The following ATP1B2 variants were observed in gnomAD, a reference collection of about 807,000 sequenced individuals.
ATP1B2 encodes sodium/potassium-transporting ATPase subunit beta-2.
In ATP1B2, 12 loss-of-function variants were observed where a neutral mutation model predicts 37.3. The ratio of observed to expected loss-of-function variants is 0.32; its 90% confidence interval spans 0.21 to 0.52. The LOEUF is 0.52. ATP1B2 is among the 20% of genes least tolerant of loss of function. The pLI is 0.96. For synonymous variants in ATP1B2, 139 were observed against 140.5 expected (o/e 0.99, Z 0.07); for missense variants, 324 against 391.6 (o/e 0.83, Z 1.46).
upstream of ATP1B2, among the ~76,000 whole-genome samples, chr17:7,647,674 C>A (rs998424406): frequency 2.0e-5 from 3 of 152,022 alleles, no homozygotes; most frequent in Admixed American, 2.0e-4. Context: ...CAAAAATTAG[C>A]CAGGCGTGGT....
chr17:7,649,657 A>G (rs1016072907), upstream of ATP1B2, among the ~76,000 whole-genome samples: 6 of 150,732 alleles, frequency 4.0e-5, no homozygotes, highest in African/African-American at 1.2e-4. Context: ...GGTTCATGCC[A>G]TTCTCCTGCC....
In ATP1B2 at chr17:7,653,518, C is replaced by G. The variant is rs772280682; in HGVS notation, c.241+16C>G. On this transcript the variant is annotated intron_variant, in intron 2 of 6. Coordinates refer to ENST00000250111, the MANE Select transcript of ATP1B2 (RefSeq NM_001678.5). ...GCCACACCGGGTGAGTGTGGAGGCT[C>G]CCCCTGCCAGCTACTCTAACTGCTC... is the stretch of plus-strand genomic sequence containing the variant. The G allele has an allele frequency of 2.5e-6, 4 of 1,613,472 alleles. No individual in the cohort carries two copies. The highest frequency in any genetic ancestry group is 3.4e-6 in the Non-Finnish European group (4 of 1,179,724).
At position 7,656,120 on chromosome 17, in the gene ATP1B2, AGGG is replaced by A; in HGVS notation, c.*226_*228del. 1 of 610,126 alleles carries A rather than the reference AGGG, an allele frequency of 1.6e-6. No individual in the cohort carries two copies. The highest frequency in any genetic ancestry group is 2.8e-6 in the Non-Finnish European group (1 of 353,746). 37.8% of individuals were successfully genotyped at this position (610,126 alleles called of 1,614,324 possible). On this transcript the variant is annotated 3_prime_UTR_variant, in exon 7 of 7. Coordinates refer to ENST00000250111, the MANE Select transcript of ATP1B2 (RefSeq NM_001678.5). ...TCTCCCAACCTCAGATCAGTCAGAC[AGGG>A]AGCTGGGCTAAGATGGCCACGGAGG... is the stretch of plus-strand genomic sequence containing the variant.
Position 7,654,341 on chromosome 17 carries a change from C to G in ATP1B2, c.552+84C>G. On this transcript the variant is annotated intron_variant, in intron 4 of 6. Coordinates refer to ENST00000250111, the MANE Select transcript of ATP1B2 (RefSeq NM_001678.5). The surrounding 1 kb of genome is among the most constrained non-coding windows in gnomAD (Gnocchi z 4.9). ...AGACAATTGCATCCTTTCACTGGGG[C>G]TAATGGGCATGAGAAAGACTTGGAT... 1.4e-6 allele frequency: 2 copies of G among 1,450,742 alleles called. No homozygotes were observed. Among genetic ancestry groups the G allele is most frequent in the Non-Finnish European group, 9.6e-7 (1 of 1,042,456 alleles). The allele number at this position is 1,450,742 out of a possible 1,614,324, so 89.9% of individuals were successfully genotyped here.
Position 7,655,274 on chromosome 17 carries a change from G to A in ATP1B2, c.610-253G>A, listed in dbSNP as rs148420213. The A allele has an allele frequency of 7.1e-6, 4 of 560,362 alleles. No homozygotes were observed. The African/African-American group carries it at 7.5e-5, about 11-fold the overall frequency. The allele number at this position is 560,362 out of a possible 1,614,324, so 34.7% of individuals were successfully genotyped here. On this transcript the variant is annotated intron_variant, in intron 5 of 6. Transcript: ENST00000250111. The surrounding 1 kb of genome is among the most constrained non-coding windows in gnomAD (Gnocchi z 4.4). ...AGGATGGGGTAAGAACTTGGGGTAG[G>A]AGTGGAGTAGGAGGCTTTCGTGCCA...
chr17:7,647,202 A>G (rs534700904), upstream of ATP1B2, among the ~76,000 whole-genome samples: 4 of 151,974 alleles, frequency 2.6e-5, no homozygotes, highest in Non-Finnish European at 2.9e-5. Flanking sequence ...AAAGGAAGCA[A>G]TGGCATTGTA....
At chr17:7,649,065 A>AT (rs1051729580), upstream of ATP1B2, among the ~76,000 whole-genome samples, 4 of 151,848 alleles carry the variant, frequency 2.6e-5, no homozygotes, top group African/African-American at 9.7e-5. Context: ...AATGCATACC[A>AT]TTTTTTTGAG....
At chr17:7,652,450 G>A (rs929795601) in intron 1 of ATP1B2, among the ~76,000 whole-genome samples, 12 of 152,084 alleles carry the variant, frequency 7.9e-5, no homozygotes, top group African/African-American at 2.2e-4. Context: ...GGGGACAGAG[G>A]ACACTGTGTG....
Position 7,656,189 on chromosome 17 carries a change from A to C in ATP1B2, c.*294A>C, listed in dbSNP as rs2072650702. ...TAGTTCTGGTTTAGCTGTGAGAGCT[A>C]TCCACTCTCCTGCCTGCATATCCCC... On this transcript the variant is annotated 3_prime_UTR_variant, in exon 7 of 7. Coordinates refer to ENST00000250111, the MANE Select transcript of ATP1B2 (RefSeq NM_001678.5). 2.3e-6 allele frequency: 1 copy of C among 444,296 alleles called. No individual in the cohort carries two copies. Among genetic ancestry groups the C allele is most frequent in the South Asian group, 2.6e-5 (1 of 38,178 alleles). 27.5% of individuals were successfully genotyped at this position (444,296 alleles called of 1,614,324 possible). A position where few individuals can be genotyped will look rare whatever the true frequency, so the allele number is the denominator to read the frequency against.
chr17:7,651,321 C>T lies in ATP1B2; in HGVS notation c.-198C>T, dbSNP rs1237879689. The T allele has an allele frequency of 6.8e-6, 4 of 585,732 alleles. No individual in the cohort carries two copies. The highest frequency in any genetic ancestry group is 1.2e-5 in the Non-Finnish European group (4 of 328,224). The allele number at this position is 585,732 out of a possible 1,614,324, so 36.3% of individuals were successfully genotyped here. On this transcript the variant is annotated 5_prime_UTR_variant, in exon 1 of 7. Coordinates refer to ENST00000250111, the MANE Select transcript of ATP1B2 (RefSeq NM_001678.5). ...GGGGGGCCTAGGATCGGTGCATCTT[C>T]CGCCGCGCTGCCAGCACCCCGCAGC...
Position 7,655,735 on chromosome 17 carries a change from A to G in ATP1B2, c.713A>G (p.Asn238Ser). The change falls in exon 7 of 7, where the codon AAC becomes AGC. Residue 238 changes from asparagine to serine, a missense_variant. By Grantham distance (46) the Asn-to-Ser change is conservative. Transcript: ENST00000250111. The surrounding 1 kb of genome is among the most constrained non-coding windows in gnomAD (Gnocchi z 4.4). ...TGCACTGCTCCTCCGGCCCAGGTGA[A>G]CTACACACAGCCCCTGGTGGCTGTG... ...FPYYGKKFHV[N>S]YTQPLVAVKF... 6.2e-7 allele frequency: 1 copy of G among 1,614,046 alleles called. No individual in the cohort carries two copies. Among genetic ancestry groups the G allele is most frequent in the East Asian group, 2.2e-5 (1 of 44,874 alleles).
In ATP1B2 at chr17:7,651,775, G is replaced by A. The variant is rs998119727; in HGVS notation, c.112+145G>A. On this transcript the variant is annotated intron_variant, in intron 1 of 6. Transcript: ENST00000250111. Reference sequence around the variant, plus strand: ...CCGGGCTCTGGGCTGGGAGGGGGCCGAATCGCCAGTCTAATCTCCCCGGCT... The same window carrying A: ...CCGGGCTCTGGGCTGGGAGGGGGCCAAATCGCCAGTCTAATCTCCCCGGCT... 18 of 682,362 alleles carry A rather than the reference G, an allele frequency of 2.6e-5. No homozygotes were observed. In the East Asian group the frequency reaches 2.7e-4, roughly 10 times the overall value. The allele number at this position is 682,362 out of a possible 1,614,324, so 42.3% of individuals were successfully genotyped here. A position where few individuals can be genotyped will look rare whatever the true frequency, so the allele number is the denominator to read the frequency against.
upstream of ATP1B2, among the ~76,000 whole-genome samples, chr17:7,647,807 A>G (rs528800124): frequency 2.7e-3 from 395 of 143,780 alleles, 1 homozygote; most frequent in African/African-American, 9.4e-3. Flanking sequence ...CGACAGAGTG[A>G]GACTCCGTCT....
At chr17:7,647,704 A>C (rs1449620237), upstream of ATP1B2, among the ~76,000 whole-genome samples, 1 of 152,082 alleles carries the variant, frequency 6.6e-6, no homozygotes, top group Admixed American at 6.6e-5. Context: ...CTGTAATCCC[A>C]GCTACTCAGG....
chr17:7,647,698 A>C (rs1189905792), upstream of ATP1B2, among the ~76,000 whole-genome samples: 1 of 152,090 alleles, frequency 6.6e-6, no homozygotes, highest in Non-Finnish European at 1.5e-5. Context: ...GCACGCCTGT[A>C]ATCCCAGCTA....
At position 7,656,216 on chromosome 17, in the gene ATP1B2, G is replaced by GA. The variant is rs1275062847; in HGVS notation, c.*322dup. The GA allele has an allele frequency of 5.6e-6, 2 of 356,086 alleles. No individual in the cohort carries two copies. The highest frequency in any genetic ancestry group is 8.4e-4 in the Middle Eastern group (1 of 1,184). The allele number at this position is 356,086 out of a possible 1,614,324, so 22.1% of individuals were successfully genotyped here. A position where few individuals can be genotyped will look rare whatever the true frequency, so the allele number is the denominator to read the frequency against. On this transcript the variant is annotated 3_prime_UTR_variant, in exon 7 of 7. Coordinates refer to ENST00000250111, the MANE Select transcript of ATP1B2 (RefSeq NM_001678.5). Reference sequence around the variant, plus strand: ...CCACTCTCCTGCCTGCATATCCCCTGAGAGTTATAGGAAGTGCCCACTGAC... The same window carrying GA: ...CCACTCTCCTGCCTGCATATCCCCTGAAGAGTTATAGGAAGTGCCCACTGAC...
At chr17:7,653,320 T>A in intron 1 of ATP1B2, 54 bp from the exon 2 acceptor site, 4 of 1,610,964 alleles carry the variant, frequency 2.5e-6, no homozygotes, top group Non-Finnish European at 3.4e-6. Flanking sequence ...GTGGGGATAG[T>A]TGAGGTTATG....
At chr17:7,653,065 G>A (rs1030700892) in intron 1 of ATP1B2, among the ~76,000 whole-genome samples, 1 of 152,188 alleles carries the variant, frequency 6.6e-6, no homozygotes, top group Non-Finnish European at 1.5e-5. Context: ...ACAGATGTGT[G>A]CCTTGTCAGG....
chr17:7,653,462 C>T lies in ATP1B2; in HGVS notation c.201C>T (p.Ser67=), dbSNP rs757958145. ...TGTGGGTGATGCTGCAGACTGTCTC[C>T]GACCATACCCCCAAGTACCAGGACC... ...LTMWVMLQTV[S]DHTPKYQDRL... Residue 67 remains serine, a synonymous_variant, in exon 2 of 7, where the codon TCC becomes TCT. Transcript: ENST00000250111. The T allele has an allele frequency of 2.3e-5, 37 of 1,613,916 alleles. 1 individual carries two copies. The highest frequency in any genetic ancestry group is 3.3e-4 in the Middle Eastern group (2 of 6,084).
Sources: gnomAD v4.1 joint callset for allele counts (sites outside exome capture counted in the v4.1 genomes callset) on GRCh38, gnomAD v4.1.1 for gene constraint, Gnocchi (gnomAD v3.1) non-coding constraint, MANE v1.5 for transcripts, NCBI Gene and HGNC (gene_info 2026-07-23, HGNC 2026-07-21) for gene names.